The following CDYL variants were observed in gnomAD, a reference collection of about 807,000 sequenced individuals.
CDYL encodes the protein chromodomain Y-like protein.
CDYL carries 8 observed loss-of-function variants against 47.3 expected under a neutral mutation model. The ratio of observed to expected loss-of-function variants is 0.17; its 90% confidence interval spans 0.10 to 0.31. The LOEUF is 0.31. CDYL is among the 10% of genes least tolerant of loss of function. The pLI, the probability that CDYL is intolerant of heterozygous loss-of-function variation, is 1.00. For missense variants in CDYL, 471 were observed against 701.4 expected (o/e 0.67, Z 3.71); for synonymous variants, 266 against 265.0 (o/e 1.00, Z -0.04).
At chr6:4,931,655 C>T (rs1267921486) in intron 2 of CDYL, among the ~76,000 whole-genome samples, 1 of 152,150 alleles carries the variant, frequency 6.6e-6, no homozygotes, top group Admixed American at 6.5e-5. Context: ...ACTTCTCTAC[C>T]TAAATAGTGC....
chr6:4,865,965 A>C (rs914438214), intron 1 of CDYL, among the ~76,000 whole-genome samples: 2 of 152,192 alleles, frequency 1.3e-5, no homozygotes, highest in African/African-American at 4.8e-5. Context: ...TAAGGAGATA[A>C]ATTATTTTAA....
rs868741955 is a variant in CDYL, at chr6:4,797,587, T to C, written c.24+20780T>C. ...CTTTTGGAAAGAAACTCCATGCCCATTAGCTGTCAATTCCCATCTTACTCT... is the reference window on the plus strand; with the variant it reads ...CTTTTGGAAAGAAACTCCATGCCCACTAGCTGTCAATTCCCATCTTACTCT... On this transcript the variant is annotated intron_variant, in intron 1 of 6. Transcript: ENST00000397588. Among the ~76,000 whole-genome samples the C allele has an allele frequency of 5.9e-5, 9 of 152,322 alleles. 1 individual carries two copies. In the Middle Eastern group the frequency reaches 0.02, roughly 345 times the overall value.
At chr6:4,728,908 A>G (rs538312412) in intron 2 of CDYL, among the ~76,000 whole-genome samples, 1 of 152,160 alleles carries the variant, frequency 6.6e-6, no homozygotes, top group South Asian at 2.1e-4. Flanking sequence ...ATGCCATTCC[A>G]CTAATTTAGT....
intron 2 of CDYL, among the ~76,000 whole-genome samples, chr6:4,897,024 G>C (rs1762304032): frequency 6.6e-6 from 1 of 152,186 alleles, no homozygotes; most frequent in Non-Finnish European, 1.5e-5. Context: ...AGAAATGTGA[G>C]AAATTCTAAA....
Position 4,782,095 on chromosome 6 carries a change from A to G in CDYL, c.24+5288A>G, listed in dbSNP as rs233481. Among the ~76,000 whole-genome samples the G allele has an allele frequency of 6.4e-3, 977 of 151,946 alleles. 10 individuals are homozygous for G. The highest frequency in any genetic ancestry group is 0.022 in the African/African-American group (923 of 41,402). ...GTGGGTTGGGGATCTGCCTGGCGGA[A>G]GAGGAGCTCTCGGTGGACCAGACTG... On this transcript the variant is annotated intron_variant, in intron 1 of 6. Coordinates refer to ENST00000397588, the MANE Select transcript of CDYL (RefSeq NM_004824.4).
chr6:4,736,950 T>G (rs2127415730), intron 3 of CDYL, among the ~76,000 whole-genome samples: 1 of 152,256 alleles, frequency 6.6e-6, no homozygotes, highest in East Asian at 1.9e-4. Flanking sequence ...CAGAACGAGT[T>G]CCCTAAATAG....
chr6:4,834,749 A>G (rs970905606), intron 1 of CDYL, among the ~76,000 whole-genome samples: 11 of 151,976 alleles, frequency 7.2e-5, no homozygotes, highest in African/African-American at 9.7e-5. Context: ...ATAGTCCCAT[A>G]TTTCTTGGAG....
At chr6:4,835,172 G>T (rs933987554) in intron 1 of CDYL, among the ~76,000 whole-genome samples, 2 of 152,108 alleles carry the variant, frequency 1.3e-5, no homozygotes, top group Non-Finnish European at 2.9e-5. Flanking sequence ...TCCAGTTTTT[G>T]TGCTCTGTTT....
intron 1 of CDYL, among the ~76,000 whole-genome samples, chr6:4,788,079 G>A (rs1451117095): frequency 6.6e-6 from 1 of 151,886 alleles, no homozygotes; most frequent in Admixed American, 6.6e-5. Context: ...GTCGAAATTC[G>A]AGTCTTATAG....
intron 2 of CDYL, among the ~76,000 whole-genome samples, chr6:4,731,324 C>A (rs1208297457): frequency 1.3e-5 from 2 of 152,132 alleles, no homozygotes; most frequent in South Asian, 4.1e-4. Flanking sequence ...AGACATAAAT[C>A]CTTCTTACAG....
At chr6:4,934,528 A>G (rs1054321343) in intron 2 of CDYL, among the ~76,000 whole-genome samples, 2 of 152,234 alleles carry the variant, frequency 1.3e-5, no homozygotes, top group African/African-American at 4.8e-5. Flanking sequence ...CCGCCCTCAG[A>G]GAACTTCTGC....
At chr6:4,882,308 TA>T (rs1166318190) in intron 1 of CDYL, among the ~76,000 whole-genome samples, 4 of 152,234 alleles carry the variant, frequency 2.6e-5, no homozygotes, top group African/African-American at 9.6e-5. Context: ...ATGGGATTTG[TA>T]GCTGACATGT....
chr6:4,933,766 A>G (rs1442214283), intron 2 of CDYL, among the ~76,000 whole-genome samples: 1 of 152,186 alleles, frequency 6.6e-6, no homozygotes. Context: ...ACTCCAGGCT[A>G]CAAGTCCTTT....
chr6:4,822,147 TTTA>T (rs1420531271), intron 1 of CDYL, among the ~76,000 whole-genome samples: 2 of 143,918 alleles, frequency 1.4e-5, no homozygotes, highest in African/African-American at 5.9e-5. Context: ...TTTTCTTTTC[TTTA>T]TTTTTTTTTT....
intron 1 of CDYL, among the ~76,000 whole-genome samples, chr6:4,865,114 G>A (rs1254654200): frequency 1.3e-5 from 2 of 152,106 alleles, no homozygotes; most frequent in African/African-American, 4.8e-5. Flanking sequence ...GTTCACATCT[G>A]TTCCCCTCAT....
chr6:4,738,769 G>A (rs1333120401), intron 3 of CDYL, among the ~76,000 whole-genome samples: 2 of 152,196 alleles, frequency 1.3e-5, no homozygotes, highest in Admixed American at 6.5e-5. Flanking sequence ...TAGCTCAAAC[G>A]TCTGTGTGTA....
chr6:4,831,977 T>C (rs1223371666), intron 1 of CDYL, among the ~76,000 whole-genome samples: 2 of 152,110 alleles, frequency 1.3e-5, no homozygotes, highest in South Asian at 2.1e-4. Context: ...GATTTTGGGC[T>C]GAGATGATGG....
Position 4,891,783 on chromosome 6 carries a change from A to G in CDYL, c.95A>G (p.Tyr32Cys). ...GAGTATTTGGTTCGGTGGAAAGGCT[A>G]TGACAGCGAGGACGACACTTGGGAG... ...KTEYLVRWKG[Y>C]DSEDDTWEPE... Residue 32 changes from tyrosine to cysteine, a missense_variant, in exon 2 of 7, where the codon TAT (tyrosine) becomes TGT (cysteine). By Grantham distance (194) the Tyr-to-Cys change is radical. Around this residue, in one of 3 missense-constraint regions of CDYL, gnomAD observed 311 missense variants for 350.0 expected, o/e 0.89. Coordinates refer to ENST00000397588, the MANE Select transcript of CDYL (RefSeq NM_004824.4). 6.2e-7 allele frequency: 1 copy of G among 1,614,238 alleles called. No homozygotes were observed. The highest frequency in any genetic ancestry group is 8.5e-7 in the Non-Finnish European group (1 of 1,180,034).
At chr6:4,749,974 G>A (rs1308540433) in intron 3 of CDYL, among the ~76,000 whole-genome samples, 3 of 152,148 alleles carry the variant, frequency 2.0e-5, no homozygotes, top group African/African-American at 4.8e-5. Context: ...AACTTTGCTT[G>A]TGCTGTGCCA....
Sources: allele counts gnomAD v4.1 joint callset (sites outside exome capture counted in the v4.1 genomes callset), GRCh38; gene constraint gnomAD v4.1.1; regional missense constraint gnomAD v4.1.1; transcripts MANE v1.5; gene names NCBI Gene and HGNC (gene_info 2026-07-23, HGNC 2026-07-21).